ANAPC11: variants seen among roughly 807,000 people sequenced by gnomAD.
ANAPC11 encodes anaphase promoting complex subunit 11.
ANAPC11 carries 5 observed loss-of-function variants against 11.8 expected under a neutral mutation model. The ratio of observed to expected loss-of-function variants is 0.42; its 90% CI spans 0.22 to 0.89. ANAPC11 has a LOEUF of 0.89. ANAPC11 is among the 40% of genes least tolerant of loss of function. The pLI, the probability that ANAPC11 is intolerant of heterozygous loss-of-function variation, is 0.28. For missense variants in ANAPC11, 68 were observed against 112.9 expected (o/e 0.60, Z 1.80); for synonymous variants, 45 against 41.0 (o/e 1.10, Z -0.38).
intron 3 of ANAPC11, chr17:81,899,493 C>T (rs573674995): frequency 1.9e-6 from 3 of 1,613,980 alleles, no homozygotes; most frequent in Non-Finnish European, 2.5e-6. Context: ...TTCATGTGAC[C>T]TTTTTGGCAT....
intron 3 of ANAPC11, 172 bp from the exon 4 acceptor site, chr17:81,899,748 C>A: frequency 1.0e-6 from 1 of 953,696 alleles, no homozygotes; most frequent in Non-Finnish European, 1.5e-6. Context: ...TGGGGGCGGG[C>A]TGGTCAGGAG....
rs766813330 is a variant in ANAPC11 at position 81,899,497 on chromosome 17, T to C, written c.110-423T>C. 6 of 1,613,998 alleles carry C rather than the reference T, an allele frequency of 3.7e-6. No homozygotes were observed. The South Asian group carries it at 4.4e-5, about 12-fold the overall frequency. ...TGCCTTGACCATTCATGTGACCTTTTTGGCATCACAGATCAAGTGTCTGCA... is the reference window on the plus strand; with the variant it reads ...TGCCTTGACCATTCATGTGACCTTTCTGGCATCACAGATCAAGTGTCTGCA... On this transcript the variant is annotated intron_variant, in intron 3 of 3. Transcript: ENST00000344877.
At position 81,900,173 on chromosome 17, in the gene ANAPC11, G is replaced by A; in HGVS notation, c.*108G>A. On this transcript the variant is annotated 3_prime_UTR_variant, in exon 4 of 4. Coordinates refer to ENST00000344877, the MANE Select transcript of ANAPC11 (RefSeq NM_001002248.3). The stretch of plus-strand genomic sequence containing the variant: ...TGAGCTGCAACAAGGTGGAAACAAG[G>A]GCTGGAGCTGCGTTTGTTTTGCCAT... The A allele has an allele frequency of 6.7e-7, 1 of 1,502,234 alleles. No individual in the cohort carries two copies. 93.1% of individuals were successfully genotyped at this position (1,502,234 alleles called of 1,614,324 possible).
downstream of ANAPC11, chr17:81,900,322 ACT>A (rs938471933): frequency 3.1e-5 from 16 of 512,796 alleles, no homozygotes; most frequent in African/African-American, 2.8e-4. Flanking sequence ...TGATATGAAA[ACT>A]CTCATGAATA....
chr17:81,890,937 G>T, upstream of ANAPC11: 1 of 1,475,716 alleles, frequency 6.8e-7, no homozygotes, highest in Non-Finnish European at 9.1e-7. Context: ...GGCCGAAACG[G>T]GGCCGCCAGC....
intron 2 of ANAPC11, chr17:81,894,237 A>C: frequency 3.4e-6 from 1 of 298,308 alleles, no homozygotes; most frequent in Admixed American, 5.1e-5. Flanking sequence ...ACAGAGTGAG[A>C]CTCTGTCTCA....
At position 81,899,345 on chromosome 17, in the gene ANAPC11, T is replaced by G. The variant is rs61751632; in HGVS notation, c.110-575T>G. On this transcript the variant is annotated intron_variant, in intron 3 of 3. Transcript: ENST00000344877. Reference sequence around the variant, plus strand: ...ATCCACAGGTGCCCATCAACACAGCTTCCCCAACGCCTGGGCAGCACACCG... The same window carrying G: ...ATCCACAGGTGCCCATCAACACAGCGTCCCCAACGCCTGGGCAGCACACCG... 21,797 of 1,613,718 alleles carry G rather than the reference T, an allele frequency of 0.014. 2,602 individuals are homozygous for G. The African/African-American group carries it at 0.26, about 19-fold the overall frequency.
intron 3 of ANAPC11, among the ~76,000 whole-genome samples, chr17:81,895,340 C>T (rs543066189): frequency 3.3e-5 from 5 of 152,170 alleles, no homozygotes; most frequent in South Asian, 4.1e-4. Flanking sequence ...CGCGAACCAC[C>T]GTGCCCCCCC....
At chr17:81,894,672 T>G (rs1169522415) in intron 3 of ANAPC11, 86 bp downstream of exon 3, 1 of 727,268 alleles carries the variant, frequency 1.4e-6, no homozygotes, top group African/African-American at 1.8e-5. Context: ...CTAGCCTCAG[T>G]AGCTCCTGTT....
chr17:81,896,911 T>G (rs1182977780), intron 3 of ANAPC11, among the ~76,000 whole-genome samples: 2 of 136,744 alleles, frequency 1.5e-5, no homozygotes, highest in Non-Finnish European at 3.1e-5. Context: ...CCTTCTGAGT[T>G]CAAAGGATTC....
intron 3 of ANAPC11, among the ~76,000 whole-genome samples, chr17:81,895,086 C>T (rs1424702231): frequency 1.0e-5 from 1 of 99,164 alleles, no homozygotes; most frequent in African/African-American, 4.0e-5. Flanking sequence ...TGGAGTTTCA[C>T]TCTTGTTGCC....
At chr17:81,897,812 G>A (rs1363746510) in intron 3 of ANAPC11, among the ~76,000 whole-genome samples, 1 of 151,842 alleles carries the variant, frequency 6.6e-6, no homozygotes, top group Non-Finnish European at 1.5e-5. Context: ...AATTTTTTTT[G>A]TGGAAATGGA....
chr17:81,896,893 ACC>A (rs2039764761), intron 3 of ANAPC11, among the ~76,000 whole-genome samples: 1 of 116,656 alleles, frequency 8.6e-6, no homozygotes, highest in East Asian at 3.0e-4. Flanking sequence ...GCTCACCGCA[ACC>A]CCCACCCTTC....
chr17:81,895,200 A>G (rs1301984641), intron 3 of ANAPC11, among the ~76,000 whole-genome samples: 1 of 151,912 alleles, frequency 6.6e-6, no homozygotes, highest in Non-Finnish European at 1.5e-5. Context: ...GATCACAGGC[A>G]TGTGCCACTA....
At chr17:81,891,597 G>C, upstream of ANAPC11, 3 of 1,396,082 alleles carry the variant, frequency 2.1e-6, no homozygotes, top group Non-Finnish European at 2.8e-6. Context: ...GAGCCCGCGC[G>C]TCAGCACGCC....
In ANAPC11 at chr17:81,894,505, G is replaced by A. The variant is rs2039665450; in HGVS notation, c.28G>A (p.Gly10Ser). The A allele has an allele frequency of 3.1e-6, 5 of 1,613,074 alleles. No individual in the cohort carries two copies. Among genetic ancestry groups the A allele is most frequent in the East Asian group, 2.2e-5 (1 of 44,786 alleles). Residue 10 changes from glycine (G) to serine (S), a missense_variant, in exon 3 of 4, where the codon GGC becomes AGC. Gly to Ser is a moderately conservative substitution (Grantham distance 56, BLOSUM62 0). Transcript: ENST00000344877. ...GAAGGTGAAGATTAAGTGCTGGAAC[G>A]GCGTGGCCACTTGGCTCTGGGTGGC... MKVKIKCWN[G>S]VATWLWVAND...
At chr17:81,899,354 G>T (rs141853377) in intron 3 of ANAPC11, 4 of 1,613,754 alleles carry the variant, frequency 2.5e-6, no homozygotes, top group Non-Finnish European at 3.4e-6. Context: ...CTTCCCCAAC[G>T]CCTGGGCAGC....
intron 3 of ANAPC11, chr17:81,899,427 C>T: frequency 6.2e-7 from 1 of 1,614,036 alleles, no homozygotes; most frequent in Non-Finnish European, 8.5e-7. Flanking sequence ...CCCTCCTGCC[C>T]TTGATCAAGA....
downstream of ANAPC11, chr17:81,900,262 G>C: frequency 1.3e-6 from 1 of 764,234 alleles, no homozygotes; most frequent in Non-Finnish European, 2.0e-6. Context: ...CTTGCTGGAG[G>C]CCTCTGGGTG....
Sources: gnomAD v4.1 joint callset for allele counts (sites outside exome capture counted in the v4.1 genomes callset) on GRCh38, gnomAD v4.1.1 for gene constraint, MANE v1.5 for transcripts, NCBI Gene and HGNC (gene_info 2026-07-23, HGNC 2026-07-21) for gene names.